GLRA3: variants seen among roughly 807,000 people sequenced by gnomAD.
The protein encoded by GLRA3 is glycine receptor alpha 3.
Under a neutral mutation model 60.4 loss-of-function variants are expected in GLRA3, and 44 were observed. The ratio of observed to expected loss-of-function variants is 0.73; its 90% CI spans 0.57 to 0.94. GLRA3 has a LOEUF of 0.94. GLRA3 is among the 40% of genes least tolerant of loss of function. GLRA3 has a pLI of 0.00. For synonymous variants in GLRA3, 223 were observed against 192.9 expected (o/e 1.16, Z -1.29); for missense variants, 508 against 564.6 (o/e 0.90, Z 1.02).
At chr4:174,779,437 C>A (rs1446463209) in intron 2 of GLRA3, among the ~76,000 whole-genome samples, 1 of 152,204 alleles carries the variant, frequency 6.6e-6, no homozygotes, top group African/African-American at 2.4e-5. Flanking sequence ...ACAGTTCCTA[C>A]CAGCAACGGA....
chr4:174,761,573 CA>C (rs1028997970), intron 3 of GLRA3, among the ~76,000 whole-genome samples: 5 of 152,068 alleles, frequency 3.3e-5, no homozygotes, highest in African/African-American at 1.2e-4. Context: ...AGTAATGGTT[CA>C]ATGTATAAAT....
chr4:174,728,815 T>TG (rs1418818109), intron 3 of GLRA3, 117 bp from the exon 4 acceptor site: 28 of 621,150 alleles, frequency 4.5e-5, no homozygotes, highest in Non-Finnish European at 6.7e-5. Flanking sequence ...ATACCCCTCT[T>TG]GGGGACGGGG....
Position 174,637,834 on chromosome 4 carries a change from C to A in GLRA3, c.*5952G>T, listed in dbSNP as rs1732533700. 6.6e-6 allele frequency: 1 copy of A among 151,950 alleles called. No homozygotes were observed. The highest frequency in any genetic ancestry group is 1.9e-4 in the East Asian group (1 of 5,192). The allele number at this position is 151,950 out of a possible 1,614,324, so 9.4% of individuals were successfully genotyped here. A position where few individuals can be genotyped will look rare whatever the true frequency, so the allele number is the denominator to read the frequency against. On this transcript the variant is annotated 3_prime_UTR_variant, in exon 10 of 10. Transcript: ENST00000274093. ...TGTTATAGGAAGACATTAACAGTTA[C>A]TGAAAATAATATACATAGAAATTTT...
At chr4:174,780,849 C>G (rs937862012) in intron 2 of GLRA3, among the ~76,000 whole-genome samples, 2 of 152,014 alleles carry the variant, frequency 1.3e-5, no homozygotes, top group Admixed American at 6.5e-5. Flanking sequence ...ACGTAGACAC[C>G]CACACAATAA....
At chr4:174,800,527 T>A (rs73868089) in intron 1 of GLRA3, among the ~76,000 whole-genome samples, 2,950 of 152,122 alleles carry the variant, frequency 0.019, 93 homozygotes, top group African/African-American at 0.067. Context: ...TATTTTCCAA[T>A]AAACAACACC....
intron 7 of GLRA3, among the ~76,000 whole-genome samples, chr4:174,669,401 C>A (rs1289309492): frequency 6.6e-6 from 1 of 151,938 alleles, no homozygotes; most frequent in Non-Finnish European, 1.5e-5. Context: ...AATAACTAGG[C>A]AATGAAACTT....
At chr4:174,673,196 T>C (rs533470462) in intron 7 of GLRA3, among the ~76,000 whole-genome samples, 1 of 152,234 alleles carries the variant, frequency 6.6e-6, no homozygotes, top group Non-Finnish European at 1.5e-5. Context: ...TATTGCTGTA[T>C]ATTTCAAGAT....
intron 8 of GLRA3, among the ~76,000 whole-genome samples, chr4:174,658,672 G>T (rs1040192510): frequency 2.0e-5 from 3 of 152,076 alleles, no homozygotes; most frequent in African/African-American, 7.2e-5. Flanking sequence ...AAATGAATTA[G>T]CTCTGACAAA....
intron 3 of GLRA3, among the ~76,000 whole-genome samples, chr4:174,746,991 T>G (rs1489552136): frequency 6.6e-6 from 1 of 152,142 alleles, no homozygotes; most frequent in Non-Finnish European, 1.5e-5. Flanking sequence ...AAGAATGAAG[T>G]CTTACAATTA....
intron 6 of GLRA3, among the ~76,000 whole-genome samples, chr4:174,678,518 T>G (rs1734213798): frequency 6.6e-6 from 1 of 152,220 alleles, no homozygotes; most frequent in Admixed American, 6.5e-5. Context: ...TAGGGCTCAG[T>G]GCAAAGCTTC....
intron 4 of GLRA3, among the ~76,000 whole-genome samples, chr4:174,721,041 GTT>G (rs1554015636): frequency 2.3e-4 from 34 of 145,180 alleles, no homozygotes; most frequent in Admixed American, 1.2e-3. Context: ...GTGTGTGTGT[GTT>G]TTTGAGATGG....
intron 2 of GLRA3, among the ~76,000 whole-genome samples, chr4:174,773,176 TA>T (rs1738459966): frequency 6.6e-6 from 1 of 152,220 alleles, no homozygotes; most frequent in African/African-American, 2.4e-5. Context: ...ACTCCTATGT[TA>T]AGCAACAGAG....
At chr4:174,718,526 GACC>G (rs2111103973) in intron 4 of GLRA3, among the ~76,000 whole-genome samples, 2 of 152,142 alleles carry the variant, frequency 1.3e-5, no homozygotes, top group East Asian at 3.9e-4. Flanking sequence ...TTCAATTATT[GACC>G]ACTTTTGTAC....
At chr4:174,821,489 A>C (rs1030803020) in intron 1 of GLRA3, among the ~76,000 whole-genome samples, 1 of 152,128 alleles carries the variant, frequency 6.6e-6, no homozygotes, top group African/African-American at 2.4e-5. Context: ...TATCATCCCA[A>C]GGTGGGTGGG....
intron 2 of GLRA3, among the ~76,000 whole-genome samples, chr4:174,767,232 G>A (rs559960286): frequency 3.3e-5 from 5 of 151,636 alleles, no homozygotes; most frequent in African/African-American, 1.2e-4. Flanking sequence ...GAACACTGAT[G>A]CTGATCATTT....
chr4:174,682,337 A>C (rs1474448358), intron 6 of GLRA3, among the ~76,000 whole-genome samples: 2 of 152,174 alleles, frequency 1.3e-5, no homozygotes, highest in Non-Finnish European at 2.9e-5. Context: ...TCTTAGTGTG[A>C]ATAGTAGATG....
At chr4:174,782,419 G>A (rs1457327565) in intron 2 of GLRA3, among the ~76,000 whole-genome samples, 1 of 150,466 alleles carries the variant, frequency 6.6e-6, no homozygotes, top group East Asian at 2.0e-4. Flanking sequence ...AGACAGGGAT[G>A]CCCTCTCTCA....
intron 7 of GLRA3, among the ~76,000 whole-genome samples, chr4:174,665,032 G>C (rs1386820481): frequency 8.6e-5 from 13 of 152,038 alleles, no homozygotes; most frequent in Non-Finnish European, 1.9e-4. Flanking sequence ...AGAAAATTTG[G>C]GAGGGTAACG....
intron 5 of GLRA3, among the ~76,000 whole-genome samples, chr4:174,697,398 T>G (rs551444398): frequency 6.6e-6 from 1 of 152,322 alleles, no homozygotes; most frequent in Non-Finnish European, 1.5e-5. Flanking sequence ...TCTTGGCACA[T>G]GCTGACTATT....
Sources: gnomAD v4.1 joint callset for allele counts (sites outside exome capture counted in the v4.1 genomes callset) on GRCh38, gnomAD v4.1.1 for gene constraint, MANE v1.5 for transcripts, NCBI Gene and HGNC (gene_info 2026-07-23, HGNC 2026-07-21) for gene names.